The following MAP3K7CL variants were observed in gnomAD, a reference collection of about 807,000 sequenced individuals.
The protein encoded by MAP3K7CL is MAP3K7 C-terminal like.
MAP3K7CL carries 16 observed loss-of-function variants against 18.6 expected under a neutral mutation model. The observed-to-expected ratio is 0.86, with a 90% CI of 0.58 to 1.31. The LOEUF is 1.31. Ranked by LOEUF, MAP3K7CL falls within the 50% of genes most tolerant of loss-of-function variation. MAP3K7CL has a pLI of 0.00. For synonymous variants in MAP3K7CL, 65 were observed against 66.8 expected (o/e 0.97, Z 0.13); for missense variants, 163 against 174.4 (o/e 0.93, Z 0.37).
chr21:29,167,072 CT>C (rs1285903477), intron 4 of MAP3K7CL, among the ~76,000 whole-genome samples: 1 of 152,166 alleles, frequency 6.6e-6, no homozygotes, highest in Non-Finnish European at 1.5e-5. Flanking sequence ...CTTCTTGTGC[CT>C]TTTAGATTCT....
At chr21:29,098,887 C>T (rs1394738928) in intron 4 of MAP3K7CL, among the ~76,000 whole-genome samples, 1 of 152,198 alleles carries the variant, frequency 6.6e-6, no homozygotes, top group East Asian at 1.9e-4. Context: ...TTTGCCTCCT[C>T]AGTTATGAGT....
chr21:29,149,839 T>C (rs1428219880), intron 3 of MAP3K7CL, among the ~76,000 whole-genome samples: 2 of 152,256 alleles, frequency 1.3e-5, no homozygotes, highest in Admixed American at 6.5e-5. Flanking sequence ...GGAGCTCATT[T>C]ATCACATTTT....
chr21:29,147,086 T>C (rs2087143890), intron 2 of MAP3K7CL, among the ~76,000 whole-genome samples: 1 of 152,192 alleles, frequency 6.6e-6, no homozygotes, highest in African/African-American at 2.4e-5. Context: ...TAAAAACTGT[T>C]ATCTTTTCTT....
At chr21:29,100,008 G>A (rs567690862) in intron 4 of MAP3K7CL, among the ~76,000 whole-genome samples, 17 of 151,706 alleles carry the variant, frequency 1.1e-4, no homozygotes, top group Non-Finnish European at 2.1e-4. Flanking sequence ...GCGTGAACCT[G>A]GGAGGCGGAG....
At chr21:29,107,670 C>T (rs921137076) in intron 4 of MAP3K7CL, among the ~76,000 whole-genome samples, 10 of 151,926 alleles carry the variant, frequency 6.6e-5, no homozygotes, top group African/African-American at 1.2e-4. Context: ...AGACCATGAG[C>T]GAATAAAGTT....
At chr21:29,082,379 A>G (rs890148400), upstream of MAP3K7CL, among the ~76,000 whole-genome samples, 26 of 152,066 alleles carry the variant, frequency 1.7e-4, no homozygotes, top group Admixed American at 7.2e-4. Context: ...TATGCCTAGG[A>G]CTGGTTGGGT....
At chr21:29,079,052 G>A (rs1006766855) in intron 1 of MAP3K7CL, among the ~76,000 whole-genome samples, 3 of 152,214 alleles carry the variant, frequency 2.0e-5, no homozygotes, top group African/African-American at 7.2e-5. Flanking sequence ...CTTGGAGATT[G>A]CAATGCGAGT....
rs1156477001 is a variant in MAP3K7CL at position 29,090,352 on chromosome 21, A to G, written c.58-1149A>G. Among the ~76,000 whole-genome samples the G allele has an allele frequency of 2.6e-5, 4 of 152,220 alleles. No homozygotes were observed. In the East Asian group the frequency reaches 5.8e-4, roughly 22 times the overall value. On this transcript the variant is annotated intron_variant, in intron 1 of 6. Transcript: ENST00000286791. The stretch of plus-strand genomic sequence containing the variant: ...ATGAAATACGTAAAAGGCGTAGGGA[A>G]TGCAATCTCTATTAGCTTCTTTGTT...
At chr21:29,103,446 T>C (rs1293946581) in intron 4 of MAP3K7CL, among the ~76,000 whole-genome samples, 3 of 151,792 alleles carry the variant, frequency 2.0e-5, no homozygotes, top group Non-Finnish European at 4.4e-5. Context: ...AATTAAAAAT[T>C]ACAGTCAGAC....
intron 2 of MAP3K7CL, among the ~76,000 whole-genome samples, chr21:29,135,060 AC>A (rs369071793): frequency 0.031 from 3,439 of 110,250 alleles, 74 homozygotes; most frequent in Middle Eastern, 0.088. Context: ...CAAAAAAAAA[AC>A]AAAAAAAACA....
chr21:29,172,241 C>CTTTTTTTTTTTTTTTTTT lies in MAP3K7CL; in HGVS notation c.249-2468_249-2451dup, dbSNP rs35612617. 1.0e-4 allele frequency among the ~76,000 whole-genome samples: 13 copies of CTTTTTTTTTTTTTTTTTT among 126,292 alleles called. 1 individual carries two copies. Among genetic ancestry groups the CTTTTTTTTTTTTTTTTTT allele is most frequent in the African/African-American group, 1.2e-4 (4 of 34,256 alleles). 82.9% of individuals were successfully genotyped at this position (126,292 alleles called of 152,430 possible). A position where few individuals can be genotyped will look rare whatever the true frequency, so the allele number is the denominator to read the frequency against. ...AGCACATTGCCTGTGTTGTCATTTTCTTTTTTTTTTTTTTTTTTTTGGTTT... is the reference window on the plus strand; with the variant it reads ...AGCACATTGCCTGTGTTGTCATTTTCTTTTTTTTTTTTTTTTTTTTTTTTTTTTTTTTTTTTTTGGTTT... On this transcript the variant is annotated intron_variant, in intron 4 of 4. Coordinates refer to ENST00000399928, the MANE Select transcript of MAP3K7CL (RefSeq NM_001286620.2).
intron 2 of MAP3K7CL, among the ~76,000 whole-genome samples, chr21:29,143,785 G>A (rs1024427877): frequency 6.6e-6 from 1 of 152,090 alleles, no homozygotes; most frequent in African/African-American, 2.4e-5. Context: ...TTATGTCTAC[G>A]ATGGGGAGCA....
chr21:29,173,156 G>C (rs890180288), intron 4 of MAP3K7CL, among the ~76,000 whole-genome samples: 4 of 152,144 alleles, frequency 2.6e-5, no homozygotes, highest in Non-Finnish European at 5.9e-5. Context: ...TTCAGGGTAG[G>C]GGGAACCTAG....
At chr21:29,139,055 C>T (rs1439114035) in intron 2 of MAP3K7CL, among the ~76,000 whole-genome samples, 2 of 152,120 alleles carry the variant, frequency 1.3e-5, no homozygotes, top group Non-Finnish European at 2.9e-5. Context: ...TTTTTTGGTA[C>T]TCCGGAACCC....
At chr21:29,128,857 T>G (rs2086727776), upstream of MAP3K7CL, among the ~76,000 whole-genome samples, 2 of 152,166 alleles carry the variant, frequency 1.3e-5, no homozygotes, top group Admixed American at 1.3e-4. Context: ...TAAATTATAA[T>G]GCATTAGTAA....
At chr21:29,107,169 AGTCGGG>A (rs1180534710) in intron 4 of MAP3K7CL, among the ~76,000 whole-genome samples, 4 of 152,132 alleles carry the variant, frequency 2.6e-5, no homozygotes, top group African/African-American at 9.7e-5. Flanking sequence ...TACAAAAATT[AGTCGGG>A]CATGGTGGTG....
chr21:29,158,118 T>G (rs2087452525), intron 3 of MAP3K7CL, among the ~76,000 whole-genome samples: 1 of 152,198 alleles, frequency 6.6e-6, no homozygotes, highest in African/African-American at 2.4e-5. Flanking sequence ...AGGGCACAGA[T>G]GATTCAACAG....
intron 4 of MAP3K7CL, among the ~76,000 whole-genome samples, chr21:29,105,402 C>T (rs541978294): frequency 6.6e-6 from 1 of 152,300 alleles, no homozygotes; most frequent in Admixed American, 6.5e-5. Flanking sequence ...GAGCTGAAAA[C>T]CAAGATGATA....
chr21:29,134,284 A>G (rs2086838527), intron 2 of MAP3K7CL, among the ~76,000 whole-genome samples: 1 of 152,108 alleles, frequency 6.6e-6, no homozygotes, highest in African/African-American at 2.4e-5. Context: ...TTGGGAGGCC[A>G]AGGCAGGAGG....
Sources: gnomAD v4.1 joint callset for allele counts (sites outside exome capture counted in the v4.1 genomes callset) on GRCh38, gnomAD v4.1.1 for gene constraint, MANE v1.5 for transcripts, NCBI Gene and HGNC (gene_info 2026-07-23, HGNC 2026-07-21) for gene names.